The following USP15 variants were observed in gnomAD, a reference collection of about 807,000 sequenced individuals.
USP15 encodes ubiquitin specific peptidase 15, also known as ubiquitin carboxyl-terminal hydrolase 15.
In USP15, 18 loss-of-function variants were observed where a neutral mutation model predicts 127.1. The ratio of observed to expected loss-of-function variants is 0.14; its 90% CI spans 0.10 to 0.21. The LOEUF is 0.21. Ranked by LOEUF, USP15 falls within the 10% of genes least tolerant of loss-of-function variation. The pLI is 1.00. For synonymous variants in USP15, 364 were observed against 393.7 expected (o/e 0.92, Z 0.89); for missense variants, 805 against 1,159.9 (o/e 0.69, Z 4.44).
intron 1 of USP15, among the ~76,000 whole-genome samples, chr12:62,274,861 G>A (rs2063444089): frequency 6.6e-6 from 1 of 152,136 alleles, no homozygotes; most frequent in South Asian, 2.1e-4. Context: ...TAAAATGTTT[G>A]GCAGCAGAGT....
intron 6 of USP15, among the ~76,000 whole-genome samples, chr12:62,344,352 C>T (rs1047679219): frequency 4.6e-5 from 7 of 152,202 alleles, no homozygotes; most frequent in African/African-American, 1.2e-4. Flanking sequence ...AATCTTAAAG[C>T]TCCAAAATGA....
At chr12:62,390,032 TA>T in intron 14 of USP15, 44 bp downstream of exon 14, 1 of 1,454,190 alleles carries the variant, frequency 6.9e-7, no homozygotes, top group Non-Finnish European at 9.2e-7. Flanking sequence ...AATATGGGAA[TA>T]AAATATAAAA....
At chr12:62,373,658 TATA>T (rs1317530737) in intron 8 of USP15, among the ~76,000 whole-genome samples, 2 of 151,964 alleles carry the variant, frequency 1.3e-5, no homozygotes, top group Non-Finnish European at 2.9e-5. Context: ...GTCTTAAAAA[TATA>T]AGAGGAAAAT....
At chr12:62,392,834 A>G (rs1449197333) in intron 18 of USP15, among the ~76,000 whole-genome samples, 1 of 152,120 alleles carries the variant, frequency 6.6e-6, no homozygotes, top group African/African-American at 2.4e-5. Context: ...TATGTCTTTA[A>G]GTATTTATTT....
At chr12:62,349,417 G>A in intron 7 of USP15, 110 bp downstream of exon 7, 1 of 633,654 alleles carries the variant, frequency 1.6e-6, no homozygotes, top group South Asian at 5.3e-5. Context: ...ATTAAAATTG[G>A]TTTTCTTTTA....
At chr12:62,399,100 T>C (rs2067592606) in intron 20 of USP15, among the ~76,000 whole-genome samples, 1 of 152,172 alleles carries the variant, frequency 6.6e-6, no homozygotes, top group African/African-American at 2.4e-5. Flanking sequence ...GTGTCTCTTA[T>C]AGATCACACA....
rs191714805 is a variant in USP15 at position 62,315,329 on chromosome 12, G to T, written c.475+413G>T. On this transcript the variant is annotated intron_variant, in intron 4 of 21. Transcript: ENST00000280377. ...AAGTAGCCAAGGCAGCAGGCTTAGC[G>T]TTATTTTGACACATTGATTTTTCAA... is the stretch of plus-strand genomic sequence containing the variant. Among the ~76,000 whole-genome samples the T allele has an allele frequency of 5.3e-5, 8 of 151,882 alleles. No individual in the cohort carries two copies. In the East Asian group the frequency reaches 1.2e-3, roughly 22 times the overall value.
At position 62,338,375 on chromosome 12, in the gene USP15, A is replaced by G. The variant is rs538335452; in HGVS notation, c.684-10846A>G. Among the ~76,000 whole-genome samples the G allele has an allele frequency of 2.0e-5, 3 of 152,298 alleles. No individual in the cohort carries two copies. In the South Asian group the frequency reaches 6.2e-4, roughly 32 times the overall value. On this transcript the variant is annotated intron_variant, in intron 6 of 21. Coordinates refer to ENST00000280377, the MANE Select transcript of USP15 (RefSeq NM_001252078.2). Reference sequence around the variant, plus strand: ...ATGTTCCTTGTAGATTCTGGATAATAGCCCTTTGTCAGATGGATAGATTGC... The same window carrying G: ...ATGTTCCTTGTAGATTCTGGATAATGGCCCTTTGTCAGATGGATAGATTGC...
At chr12:62,325,954 TG>T in intron 6 of USP15, 21 bp downstream of exon 6, 2 of 1,596,512 alleles carry the variant, frequency 1.3e-6, no homozygotes, top group Non-Finnish European at 1.7e-6. Context: ...CCACTTCTTA[TG>T]GCTTATTGTA....
intron 11 of USP15, among the ~76,000 whole-genome samples, chr12:62,384,593 CAT>C (rs1161226463): frequency 6.6e-6 from 1 of 150,678 alleles, no homozygotes; most frequent in African/African-American, 2.4e-5. Flanking sequence ...TGAAGATCAA[CAT>C]AATATTTTTA....
chr12:62,302,764 T>A, intron 2 of USP15, 26 bp from the exon 3 acceptor site: 1 of 1,595,768 alleles, frequency 6.3e-7, no homozygotes, highest in Non-Finnish European at 8.6e-7. Context: ...TAGAGTTAGG[T>A]ATTGAGTTTA....
At chr12:62,285,856 C>T (rs777735799) in intron 1 of USP15, among the ~76,000 whole-genome samples, 2 of 152,256 alleles carry the variant, frequency 1.3e-5, no homozygotes, top group Non-Finnish European at 2.9e-5. Context: ...TTTGAGAAAT[C>T]TCCATACTGT....
chr12:62,387,583 C>A (rs1467140618), intron 11 of USP15, among the ~76,000 whole-genome samples: 1 of 151,760 alleles, frequency 6.6e-6, no homozygotes, highest in Non-Finnish European at 1.5e-5. Flanking sequence ...ACAAAGAGGT[C>A]AATAAAATAA....
At chr12:62,376,632 TACTA>T (rs1194799903) in intron 8 of USP15, among the ~76,000 whole-genome samples, 6 of 152,166 alleles carry the variant, frequency 3.9e-5, no homozygotes, top group Admixed American at 1.3e-4. Context: ...AAAAATAACA[TACTA>T]ACTAATACTG....
At chr12:62,355,306 A>G (rs1447144598) in intron 7 of USP15, 25 bp from the exon 8 acceptor site, 5 of 1,568,710 alleles carry the variant, frequency 3.2e-6, no homozygotes, top group African/African-American at 1.4e-5. Flanking sequence ...AATTGGCTGC[A>G]TTATGAAAAT....
At chr12:62,311,382 C>A (rs1386712195) in intron 3 of USP15, among the ~76,000 whole-genome samples, 1 of 151,538 alleles carries the variant, frequency 6.6e-6, no homozygotes, top group East Asian at 1.9e-4. Flanking sequence ...CTGTAAAGGG[C>A]CAGATAGTAA....
intron 3 of USP15, chr12:62,304,646 A>G (rs1008966636): frequency 9.0e-6 from 4 of 444,092 alleles, no homozygotes; most frequent in East Asian, 7.0e-5. Flanking sequence ...CTGTACCTCA[A>G]AGATCTCTAA....
intron 6 of USP15, chr12:62,335,585 T>C (rs1009669058): frequency 9.9e-7 from 1 of 1,013,448 alleles, no homozygotes; most frequent in Non-Finnish European, 1.2e-6. Context: ...ACACATATGG[T>C]AAACACCAGT....
At chr12:62,325,307 C>T (rs981185061) in intron 5 of USP15, among the ~76,000 whole-genome samples, 1 of 151,948 alleles carries the variant, frequency 6.6e-6, no homozygotes, top group African/African-American at 2.4e-5. Flanking sequence ...GGGACTCTAT[C>T]ATTTGTATAT....
Sources: gnomAD v4.1 joint callset for allele counts (sites outside exome capture counted in the v4.1 genomes callset) on GRCh38, gnomAD v4.1.1 for gene constraint, MANE v1.5 for transcripts, NCBI Gene and HGNC (gene_info 2026-07-23, HGNC 2026-07-21) for gene names.